Variants in VPS8 observed in about 807,000 individuals in gnomAD.
VPS8 encodes the protein vacuolar protein sorting-associated protein 8 homolog.
Under a neutral mutation model 216.4 loss-of-function variants are expected in VPS8, and 129 were observed. That is an observed-to-expected ratio of 0.60 (90% CI 0.52 to 0.69). The LOEUF is 0.69. VPS8 is among the 30% of genes least tolerant of loss of function. The pLI, the probability that VPS8 is intolerant of heterozygous loss-of-function variation, is 0.00. For synonymous variants in VPS8, 571 were observed against 565.4 expected, an observed-to-expected ratio of 1.01 and a Z score of -0.14; for missense variants, 1,531 against 1,683.5, an observed-to-expected ratio of 0.91 and a Z score of 1.59.
Position 184,980,615 on chromosome 3 carries a change from A to T in VPS8, c.3421-1951A>T, listed in dbSNP as rs377499912. ...CTTCAGCTTGATCTACTCTGCTGTTAATTCTCCCAATTGTATTACATGATT... is the reference window on the plus strand; with the variant it reads ...CTTCAGCTTGATCTACTCTGCTGTTTATTCTCCCAATTGTATTACATGATT... On this transcript the variant is annotated intron_variant, in intron 40 of 47. Coordinates refer to ENST00000625842, the MANE Select transcript of VPS8 (RefSeq NM_001009921.3). 5.3e-5 allele frequency among the ~76,000 whole-genome samples: 8 copies of T among 152,020 alleles called. No homozygotes were observed. The East Asian group carries it at 1.2e-3, about 22-fold the overall frequency.
At chr3:185,001,997 G>C (rs115663061) in intron 45 of VPS8, among the ~76,000 whole-genome samples, 1,571 of 152,264 alleles carry the variant, frequency 0.01, 33 homozygotes, top group African/African-American at 0.036. Context: ...GAAGTGCCCT[G>C]TTAGCTTCCC....
intron 23 of VPS8, 65 bp from the exon 24 acceptor site, chr3:184,898,500 T>C: frequency 7.8e-7 from 1 of 1,273,916 alleles, no homozygotes; most frequent in Non-Finnish European, 1.1e-6. Flanking sequence ...TTCCCATTCT[T>C]AAAGCATTAA....
At chr3:184,838,845 G>T in intron 6 of VPS8, 99 bp downstream of exon 6, 1 of 953,768 alleles carries the variant, frequency 1.0e-6, no homozygotes, top group South Asian at 1.8e-5. Context: ...AGTTGTTATG[G>T]TAATAAATTC....
chr3:184,862,070 A>T (rs1026831458), intron 15 of VPS8, among the ~76,000 whole-genome samples: 2 of 152,150 alleles, frequency 1.3e-5, no homozygotes, highest in African/African-American at 4.8e-5. Flanking sequence ...GGTTATCTTT[A>T]ATTGGACATT....
intron 17 of VPS8, among the ~76,000 whole-genome samples, chr3:184,867,279 T>C (rs911379285): frequency 1.3e-5 from 2 of 152,208 alleles, no homozygotes; most frequent in African/African-American, 4.8e-5. Flanking sequence ...TTAAGATGGC[T>C]GTTAGCTTAG....
intron 1 of VPS8, among the ~76,000 whole-genome samples, chr3:184,820,242 A>G (rs1382922793): frequency 6.6e-6 from 1 of 152,252 alleles, no homozygotes; most frequent in Non-Finnish European, 1.5e-5. Flanking sequence ...AGACGACTTC[A>G]GTCCTTCTGG....
At chr3:184,862,032 T>C (rs993594229) in intron 15 of VPS8, among the ~76,000 whole-genome samples, 1 of 152,118 alleles carries the variant, frequency 6.6e-6, no homozygotes, top group Non-Finnish European at 1.5e-5. Flanking sequence ...TATACAGTAA[T>C]AGAGTGTATT....
chr3:184,871,222 A>T (rs569236557), intron 21 of VPS8, among the ~76,000 whole-genome samples: 114 of 147,782 alleles, frequency 7.7e-4, no homozygotes, highest in Middle Eastern at 6.9e-3. Context: ...TATATATATA[A>T]AATATGATCT....
intron 14 of VPS8, among the ~76,000 whole-genome samples, chr3:184,858,264 AG>A (rs1263269513): frequency 7.9e-5 from 12 of 152,232 alleles, no homozygotes; most frequent in Non-Finnish European, 1.6e-4. Context: ...TTGACACTCA[AG>A]GTCCTTTTGG....
intron 40 of VPS8, among the ~76,000 whole-genome samples, chr3:184,978,972 G>A (rs971709643): frequency 6.6e-6 from 1 of 152,168 alleles, no homozygotes; most frequent in Non-Finnish European, 1.5e-5. Flanking sequence ...TGCTTTAGCT[G>A]TGTCCCAGAG....
intron 1 of VPS8, among the ~76,000 whole-genome samples, chr3:184,814,800 A>T (rs958874398): frequency 6.6e-6 from 1 of 152,114 alleles, no homozygotes; most frequent in African/African-American, 2.4e-5. Flanking sequence ...ATTTATTAAA[A>T]ATTTTTTCTT....
chr3:184,988,944 G>C lies in VPS8; in HGVS notation c.3586-5039G>C, dbSNP rs1751500142. ...TTTTTAATTTTAAATTCTAACTGTTGGTTGCTGGCATATTGGAAACCAATT... is the reference window on the plus strand; with the variant it reads ...TTTTTAATTTTAAATTCTAACTGTTCGTTGCTGGCATATTGGAAACCAATT... On this transcript the variant is annotated intron_variant, in intron 42 of 47. Coordinates refer to ENST00000625842, the MANE Select transcript of VPS8 (RefSeq NM_001009921.3). Among the ~76,000 whole-genome samples the C allele has an allele frequency of 2.6e-5, 4 of 152,158 alleles. No homozygotes were observed. In the South Asian group the frequency reaches 8.3e-4, roughly 32 times the overall value.
chr3:184,957,425 A>G lies in VPS8; in HGVS notation c.3087A>G (p.Thr1029=), dbSNP rs967526265. The G allele has an allele frequency of 1.2e-6, 2 of 1,612,384 alleles. No homozygotes were observed. Among genetic ancestry groups the G allele is most frequent in the Non-Finnish European group, 1.7e-6 (2 of 1,179,186 alleles). ...QELLQISPCI[T]EQFIELLCQF... is the part of the protein sequence containing the mutation. ...TACTGCAAATATCTCCTTGTATCAC[A>G]GAGCAGTTCATTGAGCTGTTGTGTC... The change falls in exon 37 of 48, where the codon ACA becomes ACG. Residue 1029 remains threonine (T), a synonymous_variant. Coordinates refer to ENST00000625842, the MANE Select transcript of VPS8 (RefSeq NM_001009921.3).
chr3:184,843,197 C>A, intron 7 of VPS8, 43 bp from the exon 8 acceptor site: 2 of 1,398,426 alleles, frequency 1.4e-6, no homozygotes, highest in Non-Finnish European at 1.9e-6. Context: ...TGATTTCTTG[C>A]TTTTCTTTAT....
intron 39 of VPS8, among the ~76,000 whole-genome samples, chr3:184,970,891 A>G (rs933847340): frequency 1.1e-4 from 17 of 152,212 alleles, no homozygotes; most frequent in Non-Finnish European, 2.1e-4. Flanking sequence ...AGTTGTGGTC[A>G]TATGCAAGCA....
intron 39 of VPS8, 79 bp from the exon 40 acceptor site, chr3:184,971,568 AAG>A: frequency 9.8e-7 from 1 of 1,022,264 alleles, no homozygotes; most frequent in Non-Finnish European, 1.4e-6. Context: ...TGCAAAGAAA[AAG>A]AAGTTTAACT....
intron 11 of VPS8, among the ~76,000 whole-genome samples, chr3:184,853,316 T>C (rs1030211174): frequency 4.6e-5 from 7 of 152,124 alleles, no homozygotes; most frequent in Non-Finnish European, 1.0e-4. Flanking sequence ...TGGATGTAAG[T>C]GCTGTGAAGA....
intron 41 of VPS8, 67 bp from the exon 42 acceptor site, chr3:184,982,945 G>A: frequency 2.2e-6 from 3 of 1,372,616 alleles, no homozygotes; most frequent in Middle Eastern, 2.4e-4. Flanking sequence ...TTTTTCCACA[G>A]ACTTATAGGA....
chr3:184,957,448 G>A lies in VPS8; in HGVS notation c.3110G>A (p.Cys1037Tyr), dbSNP rs1745797977. 1.2e-6 allele frequency: 2 copies of A among 1,612,666 alleles called. No homozygotes were observed. Among genetic ancestry groups the A allele is most frequent in the Non-Finnish European group, 1.7e-6 (2 of 1,179,322 alleles). Residue 1037 changes from cysteine (C) to tyrosine (Y), a missense_variant, in exon 37 of 48, where the codon TGT becomes TAT. This residue lies in a region of VPS8 where 1,318 missense variants were observed against 1,468.4 expected (regional missense o/e 0.90). Coordinates refer to ENST00000625842, the MANE Select transcript of VPS8 (RefSeq NM_001009921.3). ...ACAGAGCAGTTCATTGAGCTGTTGT[G>A]TCAGTTCAACCCAACCCAAGTTATA... Reference protein sequence around the residue: ...CITEQFIELLCQFNPTQVIET... With the variant: ...CITEQFIELLYQFNPTQVIET...
Sources: gnomAD v4.1 joint callset for allele counts (sites outside exome capture counted in the v4.1 genomes callset) on GRCh38, gnomAD v4.1.1 for gene constraint, gnomAD v4.1.1 regional missense constraint, MANE v1.5 for transcripts, NCBI Gene and HGNC (gene_info 2026-07-23, HGNC 2026-07-21) for gene names.